The following ADGRL3 variants were observed in gnomAD, a reference collection of about 807,000 sequenced individuals.
The protein encoded by ADGRL3 is adhesion G protein-coupled receptor L3, also known as calcium-independent alpha-latrotoxin receptor 3.
Under a neutral mutation model 153.5 loss-of-function variants are expected in ADGRL3, and 62 were observed. That is an observed-to-expected ratio of 0.40 (90% confidence interval 0.33 to 0.50). The LOEUF is 0.50. Ranked by LOEUF, ADGRL3 falls within the 20% of genes least tolerant of loss-of-function variation. ADGRL3 has a pLI of 0.47. For missense variants in ADGRL3, 1,641 were observed against 1,859.4 expected (o/e 0.88, Z 2.16); for synonymous variants, 710 against 672.5 (o/e 1.06, Z -0.86).
intron 2 of ADGRL3, among the ~76,000 whole-genome samples, chr4:61,464,032 A>G (rs773604508): frequency 4.6e-5 from 7 of 152,196 alleles, no homozygotes; most frequent in East Asian, 1.9e-4. Context: ...ACGCACATCT[A>G]CTTAACACAT....
chr4:62,023,273 C>A (rs981799575), intron 21 of ADGRL3, among the ~76,000 whole-genome samples: 2 of 152,120 alleles, frequency 1.3e-5, no homozygotes, highest in Non-Finnish European at 2.9e-5. Context: ...TAAATTTCTG[C>A]AATCTCATCA....
rs549976926 is a variant in ADGRL3, at chr4:61,481,926, T to C, written c.-173-15195T>C. ...TTAACAAAATTACTAAGATAAATCTTCATAAAAGCAAAAATACGTTTTTTT... is the reference window on the plus strand; with the variant it reads ...TTAACAAAATTACTAAGATAAATCTCCATAAAAGCAAAAATACGTTTTTTT... On this transcript the variant is annotated intron_variant, in intron 2 of 26. Transcript: ENST00000683033. Among the ~76,000 whole-genome samples, 39 of 152,264 alleles carry C rather than the reference T, an allele frequency of 2.6e-4. No homozygotes were observed. In the South Asian group the frequency reaches 5.0e-3, roughly 19 times the overall value.
chr4:62,014,250 T>C (rs2099201053), intron 21 of ADGRL3, among the ~76,000 whole-genome samples: 1 of 152,168 alleles, frequency 6.6e-6, no homozygotes, highest in Admixed American at 6.5e-5. Flanking sequence ...GAACCAATCC[T>C]TTGAGTTTGT....
chr4:61,324,607 T>G (rs900391613), intron 1 of ADGRL3, among the ~76,000 whole-genome samples: 2 of 152,204 alleles, frequency 1.3e-5, no homozygotes, highest in Non-Finnish European at 2.9e-5. Context: ...TTTTATAATT[T>G]TTATTGTTGA....
chr4:61,556,362 A>C (rs1027459363), intron 4 of ADGRL3, among the ~76,000 whole-genome samples: 4 of 152,174 alleles, frequency 2.6e-5, no homozygotes, highest in African/African-American at 9.6e-5. Context: ...GCTGTGAGAC[A>C]GGAGTTTGAG....
intron 24 of ADGRL3, among the ~76,000 whole-genome samples, chr4:62,041,035 G>A (rs2151632864): frequency 6.6e-6 from 1 of 152,016 alleles, no homozygotes; most frequent in East Asian, 1.9e-4. Context: ...AGGAAAAAGG[G>A]AAGAGACAGA....
At chr4:61,223,859 G>A (rs193102339) in intron 1 of ADGRL3, among the ~76,000 whole-genome samples, 67 of 152,220 alleles carry the variant, frequency 4.4e-4, no homozygotes, top group Admixed American at 2.1e-3. Flanking sequence ...ATTTGTGGGC[G>A]TTTCCAAATA....
In ADGRL3 at chr4:62,075,889, G is replaced by C. The variant is rs1366936237; in HGVS notation, c.*4981G>C. On this transcript the variant is annotated 3_prime_UTR_variant, in exon 27 of 27. Transcript: ENST00000683033. ...TAAACAATTAAATTTTCATTTGTAG[G>C]CTAGCAGAACTTAAATGTGTTGGTA... is the stretch of plus-strand genomic sequence containing the variant. 6.6e-6 allele frequency: 1 copy of C among 152,040 alleles called. No homozygotes were observed. Among genetic ancestry groups the C allele is most frequent in the Non-Finnish European group, 1.5e-5 (1 of 67,992 alleles). The allele number at this position is 152,040 out of a possible 1,614,324, so 9.4% of individuals were successfully genotyped here.
chr4:61,371,118 G>A (rs1236511429), intron 1 of ADGRL3, among the ~76,000 whole-genome samples: 3 of 149,302 alleles, frequency 2.0e-5, no homozygotes, highest in South Asian at 2.2e-4. Context: ...TTGAGCCTAT[G>A]TGTGTCTCTG....
At chr4:61,402,920 A>T (rs1298638384) in intron 2 of ADGRL3, among the ~76,000 whole-genome samples, 2 of 151,978 alleles carry the variant, frequency 1.3e-5, no homozygotes, top group Non-Finnish European at 2.9e-5. Context: ...TAGGTGGCTT[A>T]AAAACGGTAG....
intron 2 of ADGRL3, among the ~76,000 whole-genome samples, chr4:61,392,349 C>G (rs991808107): frequency 3.3e-5 from 5 of 151,718 alleles, no homozygotes; most frequent in Non-Finnish European, 1.5e-5. Flanking sequence ...CGTCAAGTGC[C>G]CTTCAGAATT....
intron 1 of ADGRL3, among the ~76,000 whole-genome samples, chr4:61,375,168 A>G (rs2096588907): frequency 6.6e-6 from 1 of 152,062 alleles, no homozygotes; most frequent in Non-Finnish European, 1.5e-5. Context: ...ATCTATCATG[A>G]GTCTGTAGAA....
chr4:61,545,446 A>G (rs975534701), intron 4 of ADGRL3, among the ~76,000 whole-genome samples: 2 of 151,930 alleles, frequency 1.3e-5, no homozygotes, highest in South Asian at 2.1e-4. Flanking sequence ...TACTTTTCCA[A>G]CTCAGGATTT....
chr4:61,813,253 G>A (rs1256804989), intron 8 of ADGRL3, among the ~76,000 whole-genome samples: 3 of 152,088 alleles, frequency 2.0e-5, no homozygotes, highest in Non-Finnish European at 2.9e-5. Context: ...TATTAGATGG[G>A]CGTGGTGGCA....
rs940800839 is a variant in ADGRL3, at chr4:61,667,039, A to G, written c.474-9787A>G. On this transcript the variant is annotated intron_variant, in intron 5 of 26. Transcript: ENST00000683033. The stretch of plus-strand genomic sequence containing the variant: ...TGAACTTGTTAATTTTAAAAAGCAC[A>G]TTTCCATTTATTTTGGATGCATCGT... 5.3e-5 allele frequency among the ~76,000 whole-genome samples: 8 copies of G among 152,238 alleles called. No homozygotes were observed. In the East Asian group the frequency reaches 1.5e-3, roughly 29 times the overall value.
At chr4:61,826,755 A>C (rs1209038479) in intron 9 of ADGRL3, among the ~76,000 whole-genome samples, 1 of 152,108 alleles carries the variant, frequency 6.6e-6, no homozygotes, top group Non-Finnish European at 1.5e-5. Context: ...GCCTTTCCTT[A>C]AAATTTTATT....
intron 6 of ADGRL3, among the ~76,000 whole-genome samples, chr4:61,726,225 G>GTTTTTTTTTTTTTTTTTTTTTTTTT (rs2096341178): frequency 1.9e-5 from 1 of 52,236 alleles, no homozygotes; most frequent in African/African-American, 7.4e-5. Flanking sequence ...TTGAGAAGGA[G>GTTTTTTTTTTTTTTTTTTTTTTTTT]TCTCACCCTG....
At chr4:61,939,715 G>T (rs1056219549) in intron 15 of ADGRL3, among the ~76,000 whole-genome samples, 3 of 151,898 alleles carry the variant, frequency 2.0e-5, no homozygotes, top group Admixed American at 2.0e-4. Flanking sequence ...TGATCTGCCC[G>T]CCTCAGCCTC....
chr4:61,369,212 A>G (rs1283460279), intron 1 of ADGRL3, among the ~76,000 whole-genome samples: 1 of 152,216 alleles, frequency 6.6e-6, no homozygotes, highest in South Asian at 2.1e-4. Context: ...CTAATTGAAT[A>G]CCCTTTATTT....
Sources: gnomAD v4.1 joint callset for allele counts (sites outside exome capture counted in the v4.1 genomes callset) on GRCh38, gnomAD v4.1.1 for gene constraint, MANE v1.5 for transcripts, NCBI Gene and HGNC (gene_info 2026-07-23, HGNC 2026-07-21) for gene names.